Variants in GRIP1 observed in about 807,000 individuals in gnomAD.
The protein encoded by GRIP1 is glutamate receptor-interacting protein 1.
A neutral mutation model predicts 129.9 loss-of-function variants in GRIP1; 45 were observed. The ratio of observed to expected loss-of-function variants is 0.35; its 90% CI spans 0.27 to 0.44. The LOEUF (loss-of-function observed/expected upper bound fraction) is 0.44, where lower values mean the gene tolerates loss of function less well. GRIP1 is among the 20% of genes least tolerant of loss of function. The pLI is 1.00. For synonymous variants in GRIP1, 530 were observed against 520.8 expected (o/e 1.02, Z -0.24); for missense variants, 1,196 against 1,396.8 (o/e 0.86, Z 2.29).
chr12:66,566,028 C>A (rs183316563), intron 2 of GRIP1, among the ~76,000 whole-genome samples: 2,174 of 152,240 alleles, frequency 0.014, 58 homozygotes, highest in African/African-American at 0.05. Context: ...TGGGCTGAGA[C>A]GATGGGGTTT....
intron 7 of GRIP1, among the ~76,000 whole-genome samples, chr12:66,473,811 G>T (rs753700056): frequency 5.3e-5 from 8 of 152,090 alleles, no homozygotes; most frequent in Non-Finnish European, 8.8e-5. Flanking sequence ...CGTCCACAAA[G>T]AAACTCCAAC....
intron 1 of GRIP1, among the ~76,000 whole-genome samples, chr12:66,706,809 T>C (rs569096898): frequency 1.3e-5 from 2 of 151,878 alleles, no homozygotes; most frequent in Non-Finnish European, 2.9e-5. Context: ...AAGTAGGAGT[T>C]GAATGTTGAG....
chr12:66,990,461 C>G (rs1412796058), intron 1 of GRIP1, among the ~76,000 whole-genome samples: 1 of 152,008 alleles, frequency 6.6e-6, no homozygotes, highest in Non-Finnish European at 1.5e-5. Context: ...CATTAAGGCA[C>G]TCATCTACCA....
chr12:66,501,382 G>T (rs139991784), intron 7 of GRIP1, among the ~76,000 whole-genome samples: 1 of 152,152 alleles, frequency 6.6e-6, no homozygotes, highest in African/African-American at 2.4e-5. Context: ...TTCTTTTGAA[G>T]CTATATACTA....
chr12:66,731,581 C>T (rs1292180477), intron 1 of GRIP1, among the ~76,000 whole-genome samples: 1 of 152,118 alleles, frequency 6.6e-6, no homozygotes, highest in Admixed American at 6.6e-5. Context: ...CTACTTGTTA[C>T]CTGAAAATCT....
chr12:66,477,659 T>C (rs1305926905), intron 7 of GRIP1, among the ~76,000 whole-genome samples: 6 of 152,290 alleles, frequency 3.9e-5, no homozygotes, highest in African/African-American at 1.2e-4. Flanking sequence ...CAAAACAGCA[T>C]GGTACTGGTA....
chr12:66,861,214 G>A (rs182065211), intron 1 of GRIP1, among the ~76,000 whole-genome samples: 3 of 152,188 alleles, frequency 2.0e-5, no homozygotes, highest in Admixed American at 2.0e-4. Context: ...TTAATACCTT[G>A]TATTTCAAAA....
At chr12:66,574,525 T>C (rs577803438) in intron 2 of GRIP1, among the ~76,000 whole-genome samples, 2 of 152,398 alleles carry the variant, frequency 1.3e-5, no homozygotes, top group South Asian at 2.1e-4. Flanking sequence ...GATCTTTTCA[T>C]GACATGGCCT....
intron 1 of GRIP1, among the ~76,000 whole-genome samples, chr12:66,927,312 G>C (rs922171695): frequency 2.0e-5 from 3 of 152,150 alleles, no homozygotes; most frequent in African/African-American, 4.8e-5. Context: ...TGCTCAGTGT[G>C]TGTCAGGCAA....
intron 11 of GRIP1, among the ~76,000 whole-genome samples, chr12:66,450,275 G>A (rs2058747998): frequency 8.8e-6 from 1 of 114,252 alleles, no homozygotes. Context: ...CTGCACTCCA[G>A]CCTGGGTGAC....
intron 1 of GRIP1, among the ~76,000 whole-genome samples, chr12:66,867,710 T>C (rs996565710): frequency 6.6e-6 from 1 of 152,156 alleles, no homozygotes; most frequent in African/African-American, 2.4e-5. Flanking sequence ...AAAACACCCA[T>C]TTTTCTAAGG....
chr12:66,547,535 A>G (rs2061983469), intron 2 of GRIP1, among the ~76,000 whole-genome samples: 1 of 152,210 alleles, frequency 6.6e-6, no homozygotes, highest in African/African-American at 2.4e-5. Flanking sequence ...ATATCCTGCA[A>G]CAGGTAAATG....
chr12:66,541,137 A>T (rs1010977977), intron 3 of GRIP1, among the ~76,000 whole-genome samples: 1 of 152,076 alleles, frequency 6.6e-6, no homozygotes, highest in African/African-American at 2.4e-5. Flanking sequence ...ATGAAACCTG[A>T]TCTTCTGTCC....
intron 15 of GRIP1, among the ~76,000 whole-genome samples, chr12:66,416,158 CT>C (rs1341057271): frequency 2.0e-5 from 3 of 151,072 alleles, no homozygotes; most frequent in African/African-American, 7.3e-5. Context: ...TCTGAGTGAC[CT>C]GTGGGCCAAT....
intron 5 of GRIP1, among the ~76,000 whole-genome samples, chr12:66,528,776 C>T (rs2061348847): frequency 6.6e-6 from 1 of 152,014 alleles, no homozygotes. Flanking sequence ...TATTAATGAA[C>T]CAAAAATAGA....
chr12:67,038,067 G>A (rs778415290), intron 1 of GRIP1, among the ~76,000 whole-genome samples: 4 of 152,184 alleles, frequency 2.6e-5, no homozygotes, highest in Non-Finnish European at 5.9e-5. Flanking sequence ...CTGGCTATCT[G>A]ATGTCTATAA....
At chr12:66,659,435 T>C (rs533318750) in intron 1 of GRIP1, among the ~76,000 whole-genome samples, 5 of 152,266 alleles carry the variant, frequency 3.3e-5, no homozygotes, top group Admixed American at 3.3e-4. Flanking sequence ...AATGAAGTTG[T>C]CATTGTGCAT....
At chr12:66,758,321 G>A (rs1173793338) in intron 1 of GRIP1, among the ~76,000 whole-genome samples, 3 of 152,142 alleles carry the variant, frequency 2.0e-5, no homozygotes, top group Non-Finnish European at 4.4e-5. Context: ...CAGATCTTGT[G>A]AGACTTATTC....
At chr12:66,916,522 T>C (rs905674022) in intron 1 of GRIP1, among the ~76,000 whole-genome samples, 1 of 152,122 alleles carries the variant, frequency 6.6e-6, no homozygotes, top group Non-Finnish European at 1.5e-5. Flanking sequence ...TGCTGTAAAG[T>C]GCCTTTCATG....
Sources: gnomAD v4.1 joint callset for allele counts (sites outside exome capture counted in the v4.1 genomes callset) on GRCh38, gnomAD v4.1.1 for gene constraint, MANE v1.5 for transcripts, NCBI Gene and HGNC (gene_info 2026-07-23, HGNC 2026-07-21) for gene names.